PLCL1: variants seen among roughly 807,000 people sequenced by gnomAD.
PLCL1 encodes phospholipase C like 1 (inactive), also known as inactive phospholipase C-like protein 1.
Under a neutral mutation model 84.4 loss-of-function variants are expected in PLCL1, and 41 were observed. The ratio of observed to expected loss-of-function variants is 0.49; its 90% confidence interval spans 0.38 to 0.63. The LOEUF is 0.63. Among genes scored for constraint, PLCL1 ranks in the 30% least tolerant of loss-of-function variants. The probability of loss-of-function intolerance (pLI) is 0.00; values close to 1 mark genes in which losing one functional copy is unlikely to be tolerated. For missense variants in PLCL1, 1,206 were observed against 1,367.8 expected, an observed-to-expected ratio of 0.88 and a Z score of 1.87; for synonymous variants, 490 against 488.3, an observed-to-expected ratio of 1.00 and a Z score of -0.05.
intron 5 of PLCL1, among the ~76,000 whole-genome samples, chr2:198,146,084 C>A (rs1694510103): frequency 6.6e-6 from 1 of 152,178 alleles, no homozygotes; most frequent in Admixed American, 6.5e-5. Context: ...AGGAAAAGAT[C>A]TCTGTTGGGC....
At chr2:197,953,474 G>T (rs1218218624) in intron 1 of PLCL1, among the ~76,000 whole-genome samples, 1 of 152,028 alleles carries the variant, frequency 6.6e-6, no homozygotes, top group Admixed American at 6.6e-5. Flanking sequence ...AAATGATGAT[G>T]CACAGGCTGA....
intron 1 of PLCL1, among the ~76,000 whole-genome samples, chr2:197,937,832 A>G (rs1278011377): frequency 6.6e-6 from 1 of 152,254 alleles, no homozygotes; most frequent in African/African-American, 2.4e-5. Flanking sequence ...AGGCTATAAA[A>G]TAAAACCAAG....
intron 5 of PLCL1, among the ~76,000 whole-genome samples, chr2:198,126,780 C>T (rs567017655): frequency 6.6e-6 from 1 of 152,160 alleles, no homozygotes; most frequent in African/African-American, 2.4e-5. Context: ...TGGCACATAT[C>T]TATAGTCTCA....
chr2:197,857,141 A>G (rs1687344309), intron 1 of PLCL1, among the ~76,000 whole-genome samples: 1 of 152,044 alleles, frequency 6.6e-6, no homozygotes, highest in Non-Finnish European at 1.5e-5. Context: ...ACTTAAGATA[A>G]AAGTTGGAAA....
intron 1 of PLCL1, among the ~76,000 whole-genome samples, chr2:197,912,523 A>G (rs1487586181): frequency 2.0e-5 from 3 of 151,388 alleles, no homozygotes; most frequent in Non-Finnish European, 4.4e-5. Context: ...TATTCACAAT[A>G]GCAAAGACTT....
rs375221226 is a variant in PLCL1 at position 197,829,149 on chromosome 2, G to C, written c.240+23810G>C. The stretch of plus-strand genomic sequence containing the variant: ...TTGTTTATTTAAAATTCAAATTTAA[G>C]TGAGCATCCTGTGTTTTTATTTGTT... On this transcript the variant is annotated intron_variant, in intron 1 of 5. Transcript: ENST00000428675. 2.4e-4 allele frequency among the ~76,000 whole-genome samples: 37 copies of C among 152,296 alleles called. 6 individuals are homozygous for C. The highest frequency in any genetic ancestry group is 2.3e-3 in the Admixed American group (35 of 15,294).
intron 1 of PLCL1, among the ~76,000 whole-genome samples, chr2:197,823,140 T>C (rs1010917706): frequency 1.3e-5 from 2 of 152,198 alleles, no homozygotes; most frequent in Admixed American, 1.3e-4. Flanking sequence ...TCCTCCCATC[T>C]TGGCCTCCCA....
chr2:197,865,175 C>T (rs1051810031), intron 1 of PLCL1, among the ~76,000 whole-genome samples: 22 of 152,138 alleles, frequency 1.4e-4, no homozygotes, highest in African/African-American at 5.3e-4. Context: ...GTTTCAGTCA[C>T]TCAATGAAGT....
At chr2:197,949,182 C>G (rs186316670) in intron 1 of PLCL1, among the ~76,000 whole-genome samples, 2,315 of 152,168 alleles carry the variant, frequency 0.015, 60 homozygotes, top group African/African-American at 0.054. Flanking sequence ...TCTATGAGTG[C>G]CTTTTCTGAT....
At chr2:198,047,638 A>G (rs1363408906) in intron 1 of PLCL1, among the ~76,000 whole-genome samples, 2 of 152,234 alleles carry the variant, frequency 1.3e-5, no homozygotes, top group East Asian at 1.9e-4. Context: ...AAGCTGGAAT[A>G]AATAACATGG....
At chr2:197,860,029 C>T (rs1687399594) in intron 1 of PLCL1, among the ~76,000 whole-genome samples, 1 of 152,080 alleles carries the variant, frequency 6.6e-6, no homozygotes, top group Non-Finnish European at 1.5e-5. Context: ...CTCCTCCCAC[C>T]CTCCACCCTC....
chr2:198,121,568 T>C (rs1182723376), intron 5 of PLCL1, among the ~76,000 whole-genome samples: 1 of 152,118 alleles, frequency 6.6e-6, no homozygotes, highest in Non-Finnish European at 1.5e-5. Context: ...AGACTGTCTC[T>C]TCCCCATTGT....
intron 1 of PLCL1, among the ~76,000 whole-genome samples, chr2:198,022,420 GA>G (rs1309901251): frequency 1.3e-5 from 2 of 152,156 alleles, no homozygotes; most frequent in African/African-American, 4.8e-5. Context: ...GCAAGAGAAA[GA>G]AATAAGGGGT....
At chr2:198,130,817 T>C (rs552411601) in intron 5 of PLCL1, among the ~76,000 whole-genome samples, 2 of 152,260 alleles carry the variant, frequency 1.3e-5, no homozygotes, top group East Asian at 1.9e-4. Flanking sequence ...GCCGTCACCT[T>C]AGTTATCTTC....
intron 1 of PLCL1, among the ~76,000 whole-genome samples, chr2:198,017,686 A>C (rs1175754505): frequency 6.6e-6 from 1 of 152,248 alleles, no homozygotes; most frequent in African/African-American, 2.4e-5. Context: ...GCCAATAGGC[A>C]CACATAAGAA....
intron 1 of PLCL1, among the ~76,000 whole-genome samples, chr2:197,895,164 A>C (rs1022703654): frequency 2.0e-5 from 3 of 152,004 alleles, no homozygotes; most frequent in East Asian, 1.9e-4. Flanking sequence ...ATAAGTTATC[A>C]CTTTGGAGAG....
intron 1 of PLCL1, among the ~76,000 whole-genome samples, chr2:197,983,190 C>CTTTTTTTTTTTTTTTTT (rs1445206643): frequency 3.0e-5 from 2 of 66,066 alleles, no homozygotes; most frequent in African/African-American, 5.3e-5. Flanking sequence ...TTTTCTTTTT[C>CTTTTTTTTTTTTTTTTT]TTTTCTTTTC....
At chr2:197,897,008 A>C (rs1440284739) in intron 1 of PLCL1, among the ~76,000 whole-genome samples, 1 of 152,218 alleles carries the variant, frequency 6.6e-6, no homozygotes, top group Non-Finnish European at 1.5e-5. Context: ...TCATTAGAAA[A>C]CTATATACTG....
intron 1 of PLCL1, among the ~76,000 whole-genome samples, chr2:197,893,459 T>C (rs935913065): frequency 2.0e-5 from 3 of 152,188 alleles, no homozygotes; most frequent in African/African-American, 7.2e-5. Flanking sequence ...GTATACAACT[T>C]TTACATTCCT....
Sources: gnomAD v4.1 joint callset for allele counts (sites outside exome capture counted in the v4.1 genomes callset) on GRCh38, gnomAD v4.1.1 for gene constraint, MANE v1.5 for transcripts, NCBI Gene and HGNC (gene_info 2026-07-23, HGNC 2026-07-21) for gene names.